ALK: variants seen among roughly 807,000 people sequenced by gnomAD.
The protein encoded by ALK is ALK tyrosine kinase receptor.
In ALK, 74 loss-of-function variants were observed where a neutral mutation model predicts 163.1. That is an observed-to-expected ratio of 0.45 (90% CI 0.38 to 0.55). The LOEUF is 0.55. Among genes scored for constraint, ALK ranks in the 20% least tolerant of loss-of-function variants. The probability of loss-of-function intolerance (pLI) is 0.00; values close to 1 mark genes in which losing one functional copy is unlikely to be tolerated. For missense variants in ALK, 2,063 were observed against 2,105.3 expected (o/e 0.98, Z 0.39); for synonymous variants, 960 against 843.2 (o/e 1.14, Z -2.40).
At chr2:29,469,752 C>T in intron 4 of ALK, among the ~76,000 whole-genome samples, 1 of 152,176 alleles carries the variant, frequency 6.6e-6, no homozygotes, top group Non-Finnish European at 1.5e-5. Flanking sequence ...ATTGAGACTT[C>T]ACAGCCCTAA....
intron 1 of ALK, among the ~76,000 whole-genome samples, chr2:29,901,734 T>G (rs1667418371): frequency 6.6e-6 from 1 of 152,218 alleles, no homozygotes; most frequent in South Asian, 2.1e-4. Flanking sequence ...AGAAAGCCTC[T>G]CTCCCTGTGA....
intron 1 of ALK, among the ~76,000 whole-genome samples, chr2:29,730,599 C>T (rs1304915564): frequency 6.6e-6 from 1 of 152,152 alleles, no homozygotes; most frequent in East Asian, 1.9e-4. Context: ...AAAAACAAAT[C>T]CCAACTTACA....
intron 11 of ALK, among the ~76,000 whole-genome samples, chr2:29,272,801 T>G (rs1665427542): frequency 6.6e-6 from 1 of 152,210 alleles, no homozygotes; most frequent in Non-Finnish European, 1.5e-5. Context: ...CTCTTTTCCA[T>G]TTTTAGTGTT....
At chr2:29,559,768 C>CGT (rs56285031) in intron 3 of ALK, among the ~76,000 whole-genome samples, 22,869 of 142,892 alleles carry the variant, frequency 0.16, 1,862 homozygotes, top group Non-Finnish European at 0.18. Flanking sequence ...GGAGCATGTA[C>CGT]GTGTGTGTGT....
chr2:29,297,426 G>A (rs1167193952), intron 8 of ALK, among the ~76,000 whole-genome samples: 1 of 152,222 alleles, frequency 6.6e-6, no homozygotes, highest in African/African-American at 2.4e-5. Flanking sequence ...ATTCTTGCCT[G>A]TGGCCCCAAT....
chr2:29,843,694 A>AT (rs1433828656), intron 1 of ALK, among the ~76,000 whole-genome samples: 1 of 152,156 alleles, frequency 6.6e-6, no homozygotes, highest in African/African-American at 2.4e-5. Flanking sequence ...ACCTCCCATA[A>AT]TTTGTCAGTA....
intron 4 of ALK, among the ~76,000 whole-genome samples, chr2:29,454,693 A>C (rs1670906139): frequency 8.1e-6 from 1 of 123,634 alleles, no homozygotes. Context: ...CACAAACCAA[A>C]ACAAAAAACC....
rs545579956 is a variant in ALK, at chr2:29,371,984, T to A, written c.1282+11748A>T. ...TATGAGCAGGGAAGGTCTTCGATGC[T>A]TTATCTTAACATTTGCGTGCAGTTT... is the stretch of plus-strand genomic sequence containing the variant. On this transcript the variant is annotated intron_variant, in intron 5 of 28. Transcript: ENST00000389048. 2.6e-5 allele frequency among the ~76,000 whole-genome samples: 4 copies of A among 152,358 alleles called. No homozygotes were observed. In the East Asian group the frequency reaches 7.7e-4, roughly 29 times the overall value.
In ALK at chr2:29,193,309, A is replaced by G. The variant is rs776898697; in HGVS notation, c.4778T>C (p.Leu1593Ser). 7 of 1,614,136 alleles carry G rather than the reference A, an allele frequency of 4.3e-6. No homozygotes were observed. The highest frequency in any genetic ancestry group is 2.2e-5 in the South Asian group (2 of 91,088). The change falls in exon 29 of 29, where the codon TTA becomes TCA. Residue 1593 changes from leucine (L) to serine (S), a missense_variant. Transcript: ENST00000389048. ...AGCTCCAGGGGCAGTAGCGGCTTCTAAGGGCAAGCCCTGTTGCTGGTAGCC... is the reference window on the plus strand; with the variant it reads ...AGCTCCAGGGGCAGTAGCGGCTTCTGAGGGCAAGCCCTGTTGCTGGTAGCC... ...NYGYQQQGLPLEAATAPGAGH... is the reference protein window; with the variant it reads ...NYGYQQQGLPSEAATAPGAGH...
intron 3 of ALK, among the ~76,000 whole-genome samples, chr2:29,659,237 G>A (rs773212258): frequency 6.6e-6 from 1 of 152,184 alleles, no homozygotes; most frequent in Non-Finnish European, 1.5e-5. Flanking sequence ...CTGATAGGGA[G>A]ATTTGCAGTT....
chr2:29,657,889 C>A (rs536890007), intron 3 of ALK, among the ~76,000 whole-genome samples: 2 of 152,136 alleles, frequency 1.3e-5, no homozygotes, highest in East Asian at 3.9e-4. Context: ...AAAAACAAAC[C>A]AGCAGCTTAT....
At chr2:29,313,389 C>T (rs1304597253) in intron 8 of ALK, among the ~76,000 whole-genome samples, 1 of 152,176 alleles carries the variant, frequency 6.6e-6, no homozygotes, top group African/African-American at 2.4e-5. Flanking sequence ...GTGGCAGTGT[C>T]CCCTTGGTGG....
At position 29,434,023 on chromosome 2, in the gene ALK, T is replaced by A. The variant is rs116454506; in HGVS notation, c.1155-50164A>T. ...AAGAGTTGGAACCAGTCAATGTGCT[T>A]TGTAAAGTACTGAAAAGGCAAAGCA... On this transcript the variant is annotated intron_variant, in intron 4 of 28. Transcript: ENST00000389048. Among the ~76,000 whole-genome samples the A allele has an allele frequency of 3.9e-3, 590 of 152,288 alleles. 4 individuals carry two copies. Among genetic ancestry groups the A allele is most frequent in the Middle Eastern group, 6.8e-3 (2 of 294 alleles).
chr2:29,705,461 G>C (rs1264945774), intron 2 of ALK, among the ~76,000 whole-genome samples: 5 of 151,430 alleles, frequency 3.3e-5, no homozygotes, highest in Non-Finnish European at 2.9e-5. Context: ...GAACTGACCT[G>C]ACTTGACCTT....
intron 1 of ALK, among the ~76,000 whole-genome samples, chr2:29,814,039 A>C (rs1664825978): frequency 6.6e-6 from 1 of 152,190 alleles, no homozygotes; most frequent in Non-Finnish European, 1.5e-5. Flanking sequence ...TGGTACAAGG[A>C]ATAAAGAAAC....
At chr2:29,262,987 G>C (rs1356932955) in intron 11 of ALK, among the ~76,000 whole-genome samples, 2 of 152,230 alleles carry the variant, frequency 1.3e-5, no homozygotes, top group African/African-American at 4.8e-5. Context: ...AGGCCTCAGG[G>C]CTAATTTGGT....
intron 3 of ALK, among the ~76,000 whole-genome samples, chr2:29,647,384 A>C (rs970818369): frequency 2.0e-5 from 3 of 152,090 alleles, no homozygotes; most frequent in Non-Finnish European, 4.4e-5. Context: ...AGGCCCACAT[A>C]GTCTCCTGTT....
chr2:29,314,424 C>T (rs1323945679), intron 8 of ALK, among the ~76,000 whole-genome samples: 1 of 152,044 alleles, frequency 6.6e-6, no homozygotes, highest in Admixed American at 6.6e-5. Flanking sequence ...GAGGTGACGT[C>T]AGGGGTGGAA....
At chr2:29,256,387 T>C (rs557784167) in intron 11 of ALK, among the ~76,000 whole-genome samples, 2 of 152,250 alleles carry the variant, frequency 1.3e-5, no homozygotes, top group African/African-American at 4.8e-5. Flanking sequence ...ATGCAGGAAA[T>C]GCCGTTATGC....
Sources: gnomAD v4.1 joint callset for allele counts (sites outside exome capture counted in the v4.1 genomes callset) on GRCh38, gnomAD v4.1.1 for gene constraint, MANE v1.5 for transcripts, NCBI Gene and HGNC (gene_info 2026-07-23, HGNC 2026-07-21) for gene names.